Variants in NUP88 observed in about 807,000 individuals in gnomAD.
The protein encoded by NUP88 is nucleoporin 88.
NUP88 carries 57 observed loss-of-function variants against 93.9 expected under a neutral mutation model. The ratio of observed to expected loss-of-function variants is 0.61; its 90% CI spans 0.49 to 0.76. The LOEUF (loss-of-function observed/expected upper bound fraction) is 0.76, where lower values mean the gene tolerates loss of function less well. NUP88 is among the 30% of genes least tolerant of loss of function. The pLI is 0.00. For synonymous variants in NUP88, 346 were observed against 336.8 expected, an observed-to-expected ratio of 1.03 and a Z score of -0.30; for missense variants, 911 against 901.0, an observed-to-expected ratio of 1.01 and a Z score of -0.14.
chr17:5,406,746 C>T (rs1913515782), intron 5 of NUP88, among the ~76,000 whole-genome samples: 1 of 149,202 alleles, frequency 6.7e-6, no homozygotes, highest in Non-Finnish European at 1.5e-5. Flanking sequence ...AATACACTAA[C>T]AATACGTGAT....
chr17:5,391,239 C>G (rs1912395630), intron 10 of NUP88, among the ~76,000 whole-genome samples: 1 of 152,162 alleles, frequency 6.6e-6, no homozygotes, highest in South Asian at 2.1e-4. Flanking sequence ...TACTTCTGAG[C>G]TTGGCGTATG....
intron 11 of NUP88, 45 bp downstream of exon 11, chr17:5,388,757 A>C (rs1912216444): frequency 3.2e-6 from 5 of 1,547,878 alleles, no homozygotes; most frequent in East Asian, 4.6e-5. Context: ...TTCTGAAGAC[A>C]GAAGAGAACC....
chr17:5,398,368 C>A (rs2151639025), intron 8 of NUP88, among the ~76,000 whole-genome samples: 1 of 151,994 alleles, frequency 6.6e-6, no homozygotes, highest in South Asian at 2.1e-4. Flanking sequence ...CGGCTCACTG[C>A]AACTCCGCCT....
intron 3 of NUP88, among the ~76,000 whole-genome samples, chr17:5,412,200 ATAAAAGGAAGAC>A (rs1913878974): frequency 6.6e-6 from 1 of 152,226 alleles, no homozygotes; most frequent in African/African-American, 2.4e-5. Flanking sequence ...ATCATAGCAT[ATAAAAGGAAGAC>A]TAAGAAGAGA....
In NUP88 at chr17:5,386,777, C is replaced by T; in HGVS notation, c.2093G>A (p.Ser698Asn). 1.9e-6 allele frequency: 3 copies of T among 1,614,062 alleles called. No homozygotes were observed. The highest frequency in any genetic ancestry group is 2.5e-6 in the Non-Finnish European group (3 of 1,179,908). ...GAGAATAATGGTGGGTTTTGGAAGA[C>T]TCAACACCTTCTCCATCTTTTGCTG... ...YQQQKMEKVL[S>N]LPKPTIILSA... The change falls in exon 16 of 17, where the codon AGT becomes AAT. Residue 698 changes from serine to asparagine, a missense_variant. By Grantham distance (46) the Ser-to-Asn change is conservative (BLOSUM62 1). Transcript: ENST00000573584.
intron 8 of NUP88, among the ~76,000 whole-genome samples, chr17:5,397,978 A>G (rs1238395290): frequency 2.3e-5 from 1 of 42,790 alleles, no homozygotes; most frequent in Non-Finnish European, 4.1e-5. Context: ...TCTCGACTCG[A>G]ATACAGCAGT....
chr17:5,387,152 CTA>C (rs1912053384), intron 14 of NUP88, 42 bp from the exon 15 acceptor site: 3 of 1,598,390 alleles, frequency 1.9e-6, no homozygotes, highest in Non-Finnish European at 2.6e-6. Flanking sequence ...AAGGTCTCTA[CTA>C]ATTAGGAGAA....
chr17:5,389,792 AAAAG>A (rs1912294668), intron 10 of NUP88, among the ~76,000 whole-genome samples: 1 of 150,896 alleles, frequency 6.6e-6, no homozygotes, highest in Admixed American at 6.6e-5. Context: ...AAAAAAAAAA[AAAAG>A]TGAAAGTTCA....
chr17:5,393,435 C>CT (rs35265554), intron 9 of NUP88, among the ~76,000 whole-genome samples: 2,561 of 121,642 alleles, frequency 0.021, 78 homozygotes, highest in African/African-American at 0.055. Flanking sequence ...GTTCACTTTT[C>CT]TTTTTTTTTT....
intron 8 of NUP88, among the ~76,000 whole-genome samples, chr17:5,398,247 C>T (rs948166598): frequency 6.6e-6 from 1 of 151,630 alleles, no homozygotes; most frequent in Non-Finnish European, 1.5e-5. Flanking sequence ...CTCAGCTTTT[C>T]TTTTTGGATA....
intron 7 of NUP88, among the ~76,000 whole-genome samples, chr17:5,401,298 G>C: frequency 6.6e-6 from 1 of 152,110 alleles, no homozygotes; most frequent in East Asian, 1.9e-4. Context: ...CAGAAGAATC[G>C]CTCGAACCTG....
In NUP88 at chr17:5,388,903, C is replaced by T; in HGVS notation, c.1542G>A (p.Val514=). The part of the protein sequence containing the change: ...PLLCTREDVE[V]AESPLRVLAE... ...CCAGAACACGGAGGGGAGACTCTGC[C>T]ACTTCAACATCTTCTCGAGTACAAA... is the stretch of plus-strand genomic sequence containing the variant. The change falls in exon 11 of 17, where the codon GTG becomes GTA. Residue 514 remains valine (V), a synonymous_variant. Coordinates refer to ENST00000573584, the MANE Select transcript of NUP88 (RefSeq NM_002532.6). 6.2e-7 allele frequency: 1 copy of T among 1,613,982 alleles called. No individual in the cohort carries two copies. The highest frequency in any genetic ancestry group is 8.5e-7 in the Non-Finnish European group (1 of 1,179,920).
intron 8 of NUP88, among the ~76,000 whole-genome samples, chr17:5,397,326 T>TGA (rs777033588): frequency 2.0e-5 from 3 of 150,438 alleles, no homozygotes; most frequent in Non-Finnish European, 3.0e-5. Flanking sequence ...GACAACAGAG[T>TGA]GAGACCCTCT....
chr17:5,386,372 T>C (rs958318527), intron 16 of NUP88, 103 bp from the exon 17 acceptor site: 27 of 911,870 alleles, frequency 3.0e-5, no homozygotes, highest in Middle Eastern at 2.2e-4. Flanking sequence ...AGAACTGCTT[T>C]GCTAAAATTA....
chr17:5,416,116 G>A (rs1914118056), intron 2 of NUP88, among the ~76,000 whole-genome samples: 2 of 141,072 alleles, frequency 1.4e-5, no homozygotes, highest in South Asian at 4.4e-4. Flanking sequence ...CTGCACTCCA[G>A]CCTGGGTGAC....
chr17:5,400,440 G>A (rs905258482), intron 7 of NUP88, among the ~76,000 whole-genome samples: 8 of 149,096 alleles, frequency 5.4e-5, no homozygotes, highest in African/African-American at 2.0e-4. Context: ...AGGTTGCAGT[G>A]AGCCGAGATT....
chr17:5,412,613 TG>T (rs899310054), intron 3 of NUP88, among the ~76,000 whole-genome samples: 1 of 151,996 alleles, frequency 6.6e-6, no homozygotes, highest in Non-Finnish European at 1.5e-5. Flanking sequence ...TCCTCAGTGA[TG>T]GGGGGAGCTG....
intron 11 of NUP88, chr17:5,388,506 T>C (rs1034801879): frequency 8.9e-6 from 2 of 224,396 alleles, no homozygotes; most frequent in African/African-American, 4.5e-5. Flanking sequence ...GCCAGGATGG[T>C]CTCGATCTCC....
intron 10 of NUP88, 93 bp downstream of exon 10, chr17:5,391,468 G>T: frequency 1.1e-6 from 1 of 949,660 alleles, no homozygotes; most frequent in Non-Finnish European, 1.7e-6. Context: ...AACCACACAT[G>T]TATAGCTTCA....
Sources: allele counts gnomAD v4.1 joint callset (sites outside exome capture counted in the v4.1 genomes callset), GRCh38; gene constraint gnomAD v4.1.1; transcripts MANE v1.5; gene names NCBI Gene and HGNC (gene_info 2026-07-23, HGNC 2026-07-21).